Variants in FAAP20 observed in about 807,000 individuals in gnomAD.
The protein encoded by FAAP20 is FA core complex associated protein 20, also known as Fanconi anemia core complex-associated protein 20.
A neutral mutation model predicts 16.2 loss-of-function variants in FAAP20; 12 were observed. That is an observed-to-expected ratio of 0.74 (90% confidence interval 0.48 to 1.20). FAAP20 has a LOEUF of 1.20. Ranked by LOEUF, FAAP20 falls within the 50% of genes most tolerant of loss-of-function variation. FAAP20 has a pLI of 0.00. For missense variants in FAAP20, 288 were observed against 245.8 expected, an observed-to-expected ratio of 1.17 and a Z score of -1.15; for synonymous variants, 141 against 110.7, an observed-to-expected ratio of 1.27 and a Z score of -1.72.
downstream of FAAP20, chr1:2,184,631 G>A (rs143763676): frequency 6.8e-6 from 11 of 1,614,050 alleles, no homozygotes; most frequent in East Asian, 4.5e-5. Flanking sequence ...GATCACAGAC[G>A]ACTACGGTCT....
At chr1:2,211,924 A>T (rs1384801221), downstream of FAAP20, among the ~76,000 whole-genome samples, 1 of 59,050 alleles carries the variant, frequency 1.7e-5, no homozygotes, top group Admixed American at 2.2e-4. Flanking sequence ...TTTTTTTGAG[A>T]CGGAGTCTTG....
In FAAP20 at chr1:2,189,657, G is replaced by A. The variant is rs1381066301; in HGVS notation, c.*52C>T. The stretch of plus-strand genomic sequence containing the variant: ...GGAGCCGAGAGGCGGGGCTGCTGGC[G>A]GGGGAGAGCGTGTCCGGGCGCCGCA... On this transcript the variant is annotated 3_prime_UTR_variant, in exon 4 of 4. Transcript: ENST00000378546. The A allele has an allele frequency of 1.3e-5, 20 of 1,483,992 alleles. No homozygotes were observed. Among genetic ancestry groups the A allele is most frequent in the Admixed American group, 1.7e-5 (1 of 58,122 alleles). 91.9% of individuals were successfully genotyped at this position (1,483,992 alleles called of 1,614,324 possible).
chr1:2,185,839 C>T (rs969145899), downstream of FAAP20, among the ~76,000 whole-genome samples: 2 of 152,232 alleles, frequency 1.3e-5, no homozygotes, highest in Admixed American at 6.5e-5. Context: ...TCTTATCTGT[C>T]ACACAGCACT....
intron 3 of FAAP20, chr1:2,192,441 C>T (rs971460450): frequency 3.5e-5 from 35 of 996,926 alleles, no homozygotes; most frequent in Admixed American, 1.6e-4. Flanking sequence ...CTCAAAATGG[C>T]AAGTTTTTCC....
At chr1:2,192,943 CG>C (rs1557780267) in intron 3 of FAAP20, 1 of 1,304,048 alleles carries the variant, frequency 7.7e-7, no homozygotes, top group African/African-American at 1.5e-5. Context: ...CTTTGGACTC[CG>C]GTGCCTTCGC....
intron 3 of FAAP20, chr1:2,192,459 C>T (rs553150081): frequency 3.0e-6 from 3 of 996,500 alleles, no homozygotes; most frequent in East Asian, 2.1e-4. Context: ...TCCTCGTGAA[C>T]GTCCTTGTCT....
chr1:2,194,812 C>CGCCCCG (rs1464538382), upstream of FAAP20: 3 of 1,089,752 alleles, frequency 2.8e-6, no homozygotes, highest in East Asian at 5.4e-5. Context: ...GCCCCGCCCC[C>CGCCCCG]GCCCCGGCCC....
upstream of FAAP20, among the ~76,000 whole-genome samples, chr1:2,197,441 G>T (rs913280113): frequency 3.2e-4 from 49 of 152,228 alleles, no homozygotes; most frequent in African/African-American, 1.0e-3. Context: ...CTCTCGCTGC[G>T]GGTGCCCCAA....
chr1:2,200,719 G>A (rs536282785), upstream of FAAP20: 6 of 987,624 alleles, frequency 6.1e-6, no homozygotes, highest in South Asian at 1.4e-4. Flanking sequence ...GCTTGAAAAC[G>A]CTGAGCCCAG....
At chr1:2,204,024 GC>G (rs1273645256), upstream of FAAP20, 5 of 152,280 alleles carry the variant, frequency 3.3e-5, no homozygotes, top group Non-Finnish European at 4.4e-5. Flanking sequence ...CCCTGGGGCA[GC>G]CCCTCCAGCC....
upstream of FAAP20, chr1:2,199,658 G>A (rs2100729381): frequency 2.0e-6 from 2 of 984,050 alleles, no homozygotes; most frequent in Non-Finnish European, 2.4e-6. The surrounding 1 kb of genome is among the most constrained non-coding windows in gnomAD (Gnocchi z 4.5). Flanking sequence ...GAAGACTCAT[G>A]TCCACCAGTA....
chr1:2,208,614 G>A (rs933207425), downstream of FAAP20, among the ~76,000 whole-genome samples: 12 of 152,166 alleles, frequency 7.9e-5, no homozygotes, highest in Non-Finnish European at 1.6e-4. Flanking sequence ...CCATACCTGG[G>A]TCCCTGCAGC....
downstream of FAAP20, chr1:2,186,895 A>T (rs1687666511): frequency 5.3e-6 from 1 of 189,362 alleles, no homozygotes; most frequent in Non-Finnish European, 1.1e-5. Flanking sequence ...GTTCTTGTAC[A>T]CAATATGTGA....
intron 3 of FAAP20, among the ~76,000 whole-genome samples, chr1:2,205,983 A>C (rs947136902): frequency 6.6e-6 from 1 of 152,372 alleles, no homozygotes; most frequent in East Asian, 1.9e-4. Context: ...ATGGGGACCC[A>C]GGGCTCGGCC....
chr1:2,206,871 G>A (rs564883901), intron 1 of FAAP20, among the ~76,000 whole-genome samples: 3 of 148,132 alleles, frequency 2.0e-5, no homozygotes, highest in East Asian at 2.0e-4. Context: ...CCTGGCCCAC[G>A]AGCCCCAGGC....
At chr1:2,190,092 G>A (rs556318003) in intron 3 of FAAP20, 5 of 558,374 alleles carry the variant, frequency 9.0e-6, no homozygotes, top group South Asian at 4.6e-5. Flanking sequence ...CGCGCTCATC[G>A]TGGAGCCCGG....
At chr1:2,187,809 G>C (rs1265110377), downstream of FAAP20, among the ~76,000 whole-genome samples, 2 of 152,174 alleles carry the variant, frequency 1.3e-5, no homozygotes, top group Non-Finnish European at 2.9e-5. Context: ...CTCGCCCAGG[G>C]CACCGTCAGT....
intron 1 of FAAP20, 26 bp from the exon 2 acceptor site, chr1:2,194,159 G>A (rs752316268): frequency 1.9e-6 from 3 of 1,609,882 alleles, no homozygotes; most frequent in South Asian, 2.2e-5. Context: ...AGGGCAGACA[G>A]GGGGTACTCA....
upstream of FAAP20, chr1:2,194,813 G>T (rs1395734905): frequency 1.3e-4 from 75 of 588,094 alleles, no homozygotes; most frequent in Admixed American, 1.6e-4. Context: ...CCCCGCCCCC[G>T]CCCCGGCCCC....
Sources: allele counts gnomAD v4.1 joint callset (sites outside exome capture counted in the v4.1 genomes callset), GRCh38; gene constraint gnomAD v4.1.1; non-coding constraint Gnocchi (gnomAD v3.1); transcripts MANE v1.5; gene names NCBI Gene and HGNC (gene_info 2026-07-23, HGNC 2026-07-21).